The following SATB2 variants were observed in gnomAD, a reference collection of about 807,000 sequenced individuals.
SATB2 encodes DNA-binding protein SATB2.
Under a neutral mutation model 73.4 loss-of-function variants are expected in SATB2, and 1 was observed. That is an observed-to-expected ratio of 0.01 (90% CI 0.00 to 0.06). SATB2 has a LOEUF of 0.06. SATB2 is among the 10% of genes least tolerant of loss of function. The probability of loss-of-function intolerance (pLI) is 1.00; values close to 1 mark genes in which losing one functional copy is unlikely to be tolerated. For synonymous variants in SATB2, 397 were observed against 367.0 expected (o/e 1.08, Z -0.93); for missense variants, 459 against 945.8 (o/e 0.49, Z 6.75).
At position 199,463,914 on chromosome 2, in the gene SATB2, G is replaced by C. The variant is rs1248499821; in HGVS notation, c.-141+922C>G. 2.0e-5 allele frequency among the ~76,000 whole-genome samples: 3 copies of C among 152,174 alleles called. No homozygotes were observed. The highest frequency in any genetic ancestry group is 4.8e-5 in the African/African-American group (2 of 41,454). On this transcript the variant is annotated intron_variant, in intron 1 of 11. Coordinates refer to the SATB2 transcript ENST00000260926. The surrounding 1 kb of genome is among the most constrained non-coding windows in gnomAD (Gnocchi z 6.4). ...AGCTCAGGCAGCCGGGTGCAAGGGG[G>C]CCCAAACCGCAGTTGCCTCCCGAAC... is the stretch of plus-strand genomic sequence containing the variant.
intron 5 of SATB2, 40 bp from the exon 6 acceptor site, chr2:199,368,747 T>C (rs1056705764): frequency 1.7e-6 from 2 of 1,211,398 alleles, no homozygotes; most frequent in East Asian, 2.4e-5. Flanking sequence ...AAAATATGAC[T>C]ACTTCTTTTT....
chr2:199,461,469 A>C (rs1479011170), upstream of SATB2, among the ~76,000 whole-genome samples: 4 of 152,212 alleles, frequency 2.6e-5, no homozygotes, highest in African/African-American at 7.2e-5. Flanking sequence ...TTATTTCCAA[A>C]CTTTTTAAAA....
chr2:199,442,603 G>A (rs568520943), intron 2 of SATB2, among the ~76,000 whole-genome samples: 25 of 152,264 alleles, frequency 1.6e-4, no homozygotes, highest in Non-Finnish European at 2.5e-4. Flanking sequence ...CAAAAGAGCC[G>A]GGCACAGTGG....
At chr2:199,394,641 A>C (rs576541279) in intron 3 of SATB2, among the ~76,000 whole-genome samples, 1 of 152,278 alleles carries the variant, frequency 6.6e-6, no homozygotes, top group East Asian at 1.9e-4. Flanking sequence ...CAAAAATAAA[A>C]ATAAAAATAA....
intron 3 of SATB2, among the ~76,000 whole-genome samples, chr2:199,419,635 T>A (rs1484733342): frequency 1.3e-5 from 2 of 152,192 alleles, no homozygotes; most frequent in African/African-American, 2.4e-5. Context: ...ACTCAGCTGC[T>A]CCCTCCGCAC....
chr2:199,437,087 G>GA (rs1691674956), intron 2 of SATB2, among the ~76,000 whole-genome samples: 5 of 152,006 alleles, frequency 3.3e-5, no homozygotes, highest in African/African-American at 1.2e-4. Flanking sequence ...GAAGAAAAAA[G>GA]AAAATCTTGC....
In SATB2 at chr2:199,272,788, T is replaced by G; in HGVS notation, c.1741-116A>C. The G allele has an allele frequency of 1.0e-6, 1 of 976,480 alleles. No homozygotes were observed. Among genetic ancestry groups the G allele is most frequent in the Non-Finnish European group, 1.6e-6 (1 of 620,302 alleles). 60.5% of individuals were successfully genotyped at this position (976,480 alleles called of 1,614,324 possible). A position where few individuals can be genotyped will look rare whatever the true frequency, so the allele number is the denominator to read the frequency against. On this transcript the variant is annotated intron_variant, in intron 10 of 10. Coordinates refer to ENST00000417098, the MANE Select transcript of SATB2 (RefSeq NM_001172509.2). This position sits in a 1 kb window ranked among gnomAD's most constrained non-coding sequence, Gnocchi z 6.7. ...AGCACTGGAGGTAAGCTATAGTCAT[T>G]TGTAAAGTCAGGTCTTTGGAAAGCT...
intron 6 of SATB2, among the ~76,000 whole-genome samples, chr2:199,356,983 T>C (rs533979012): frequency 5.3e-5 from 8 of 152,318 alleles, no homozygotes; most frequent in Admixed American, 4.6e-4. Flanking sequence ...TCAGTTGGCT[T>C]CTTTAATGTC....
intron 10 of SATB2, among the ~76,000 whole-genome samples, chr2:199,276,064 T>C (rs1475181718): frequency 2.6e-5 from 4 of 152,204 alleles, no homozygotes; most frequent in Non-Finnish European, 4.4e-5. Context: ...AAGAACAACA[T>C]AATTTGCTCT....
intron 7 of SATB2, among the ~76,000 whole-genome samples, chr2:199,344,865 C>A (rs10177011): frequency 6.6e-6 from 1 of 152,066 alleles, no homozygotes; most frequent in Non-Finnish European, 1.5e-5. Flanking sequence ...CACTCTTTAA[C>A]TCCTGAATTC....
chr2:199,279,921 A>T (rs1692431391), intron 10 of SATB2, among the ~76,000 whole-genome samples: 1 of 152,204 alleles, frequency 6.6e-6, no homozygotes, highest in South Asian at 2.1e-4. Flanking sequence ...CGGGCGGATC[A>T]CTTGAGTTCA....
At chr2:199,414,569 T>C (rs1690918721) in intron 3 of SATB2, among the ~76,000 whole-genome samples, 2 of 152,136 alleles carry the variant, frequency 1.3e-5, no homozygotes, top group Admixed American at 6.5e-5. Context: ...AGGAGGGAGC[T>C]TGTGTGACAG....
chr2:199,343,763 T>C (rs949475009), intron 7 of SATB2, among the ~76,000 whole-genome samples: 1 of 152,220 alleles, frequency 6.6e-6, no homozygotes, highest in African/African-American at 2.4e-5. Flanking sequence ...CCATTTGATA[T>C]CCTCAAGGCT....
rs565608811 is a variant in SATB2, at chr2:199,320,931, A to G, written c.1542+2872T>C. On this transcript the variant is annotated intron_variant, in intron 9 of 10. Transcript: ENST00000417098. ...AAATGGAAGGAGAAGGTTGCTATGC[A>G]TATTTGAACTCGGCCTTCAGGGATT... Among the ~76,000 whole-genome samples, 3 of 151,916 alleles carry G rather than the reference A, an allele frequency of 2.0e-5. No homozygotes were observed. In the South Asian group the frequency reaches 6.2e-4, roughly 31 times the overall value.
chr2:199,447,122 T>C (rs904596073), intron 2 of SATB2, among the ~76,000 whole-genome samples: 1 of 152,146 alleles, frequency 6.6e-6, no homozygotes, highest in African/African-American at 2.4e-5. Context: ...CCTAGGTTTC[T>C]TCAGGAGCTC....
chr2:199,323,034 T>C (rs1451468352), intron 9 of SATB2, among the ~76,000 whole-genome samples: 1 of 152,070 alleles, frequency 6.6e-6, no homozygotes, highest in Admixed American at 6.6e-5. Context: ...TAAGTGAGCA[T>C]GCACCTCAAA....
chr2:199,331,287 G>A (rs913416215), intron 7 of SATB2, among the ~76,000 whole-genome samples: 2 of 151,226 alleles, frequency 1.3e-5, no homozygotes, highest in Non-Finnish European at 2.9e-5. Context: ...AAACCTTACA[G>A]GGAAATTAAT....
At chr2:199,280,254 T>C (rs1255066223) in intron 10 of SATB2, among the ~76,000 whole-genome samples, 1 of 152,220 alleles carries the variant, frequency 6.6e-6, no homozygotes, top group African/African-American at 2.4e-5. Flanking sequence ...TTCCTATGCC[T>C]GTCTTTACTT....
chr2:199,307,475 T>C (rs1009752928), intron 10 of SATB2, among the ~76,000 whole-genome samples: 2 of 152,068 alleles, frequency 1.3e-5, no homozygotes, highest in Non-Finnish European at 1.5e-5. Flanking sequence ...GGAGGATGGG[T>C]CCTGAAGGGT....
Sources: gnomAD v4.1 joint callset for allele counts (sites outside exome capture counted in the v4.1 genomes callset) on GRCh38, gnomAD v4.1.1 for gene constraint, Gnocchi (gnomAD v3.1) non-coding constraint, MANE v1.5 for transcripts, NCBI Gene and HGNC (gene_info 2026-07-23, HGNC 2026-07-21) for gene names.